Variants in AGAP1 observed in about 807,000 individuals in gnomAD.
AGAP1 encodes the protein ArfGAP with GTPase domain, ankyrin repeat and PH domain 1.
AGAP1 carries 29 observed loss-of-function variants against 105.3 expected under a neutral mutation model. The observed-to-expected ratio is 0.28, with a 90% CI of 0.21 to 0.38. AGAP1 has a LOEUF of 0.38. Ranked by LOEUF, AGAP1 falls within the 10% of genes least tolerant of loss-of-function variation. AGAP1 has a pLI of 1.00. For missense variants in AGAP1, 998 were observed against 1,165.1 expected (o/e 0.86, Z 2.09); for synonymous variants, 509 against 485.9 (o/e 1.05, Z -0.63).
At chr2:235,805,509 G>A (rs1272792525) in intron 8 of AGAP1, among the ~76,000 whole-genome samples, 1 of 152,020 alleles carries the variant, frequency 6.6e-6, no homozygotes, top group Non-Finnish European at 1.5e-5. Context: ...TTTAGAATTT[G>A]TAAAATTCCC....
chr2:235,618,955 A>T (rs1164248230), intron 1 of AGAP1, among the ~76,000 whole-genome samples: 1 of 152,140 alleles, frequency 6.6e-6, no homozygotes, highest in Non-Finnish European at 1.5e-5. Flanking sequence ...AGGCAGTAAG[A>T]ATGATCTTTT....
intron 9 of AGAP1, among the ~76,000 whole-genome samples, chr2:235,840,880 C>T (rs547911305): frequency 1.3e-5 from 2 of 151,412 alleles, no homozygotes; most frequent in African/African-American, 4.8e-5. Flanking sequence ...GAATTTGGTG[C>T]AATGAGAGCT....
At chr2:235,699,056 C>T (rs1264612269) in intron 1 of AGAP1, among the ~76,000 whole-genome samples, 4 of 137,338 alleles carry the variant, frequency 2.9e-5, no homozygotes, top group South Asian at 2.3e-4. Context: ...TGGACCACCA[C>T]GGGCATCAGA....
intron 6 of AGAP1, among the ~76,000 whole-genome samples, chr2:235,771,766 C>T (rs1399923133): frequency 1.3e-5 from 2 of 152,190 alleles, no homozygotes; most frequent in Non-Finnish European, 2.9e-5. Context: ...TCCCAGCACT[C>T]CTGTCTCTCC....
rs1022193817 is a variant in AGAP1 at position 236,126,371 on chromosome 2, G to A, written c.*2249G>A. 4 of 152,174 alleles carry A rather than the reference G, an allele frequency of 2.6e-5. No homozygotes were observed. The highest frequency in any genetic ancestry group is 9.7e-5 in the African/African-American group (4 of 41,424). 9.4% of individuals were successfully genotyped at this position (152,174 alleles called of 1,614,324 possible). On this transcript the variant is annotated 3_prime_UTR_variant, in exon 18 of 18. Transcript: ENST00000304032. ...AGCCTTCACCGTAGACTCTGTAGTG[G>A]ACACAGATATAGCATAAATGAAATT...
At chr2:235,907,451 A>G (rs2051361675) in intron 10 of AGAP1, among the ~76,000 whole-genome samples, 2 of 152,222 alleles carry the variant, frequency 1.3e-5, no homozygotes, top group Admixed American at 1.3e-4. Context: ...AAAAAAATTA[A>G]TAAATGAAAT....
intron 1 of AGAP1, among the ~76,000 whole-genome samples, chr2:235,703,758 G>A (rs533122493): frequency 4.6e-5 from 7 of 152,112 alleles, no homozygotes; most frequent in East Asian, 1.9e-4. Flanking sequence ...CACCATGCCC[G>A]GCTAATTTTT....
rs1377945286 is a variant in AGAP1 at position 235,566,550 on chromosome 2, T to C, written c.163+71701T>C. The C allele has an allele frequency of 1.0e-6, 1 of 985,024 alleles. No individual in the cohort carries two copies. Among genetic ancestry groups the C allele is most frequent in the African/African-American group, 1.7e-5 (1 of 57,218 alleles). 61.0% of individuals were successfully genotyped at this position (985,024 alleles called of 1,614,324 possible). On this transcript the variant is annotated intron_variant, in intron 1 of 17. Transcript: ENST00000304032. The surrounding 1 kb of genome is among the most constrained non-coding windows in gnomAD (Gnocchi z 5.2). The stretch of plus-strand genomic sequence containing the variant: ...GTGCGCCGTACGTTTTGGCCAGCAC[T>C]TTATTTTATGGAACAGAGGACTAGA...
At chr2:235,771,919 G>T (rs1955481171) in intron 6 of AGAP1, among the ~76,000 whole-genome samples, 1 of 150,706 alleles carries the variant, frequency 6.6e-6, no homozygotes, top group Non-Finnish European at 1.5e-5. Flanking sequence ...TTACATAACT[G>T]TTCTGTTTAG....
Position 236,125,556 on chromosome 2 carries a change from G to A in AGAP1, c.*1434G>A, listed in dbSNP as rs189540635. 58 of 152,286 alleles carry A rather than the reference G, an allele frequency of 3.8e-4. No individual in the cohort carries two copies. Among genetic ancestry groups the A allele is most frequent in the African/African-American group, 1.3e-3 (55 of 41,550 alleles). The allele number at this position is 152,286 out of a possible 1,614,324, so 9.4% of individuals were successfully genotyped here. On this transcript the variant is annotated 3_prime_UTR_variant, in exon 18 of 18. Coordinates refer to ENST00000304032, the MANE Select transcript of AGAP1 (RefSeq NM_001037131.3). The surrounding 1 kb of genome is among the most constrained non-coding windows in gnomAD (Gnocchi z 5.2). ...CATGATTGAAAGCATGATTTAGATC[G>A]GATACGGCTTTTGCTAACCAAGGAC...
intron 12 of AGAP1, among the ~76,000 whole-genome samples, chr2:235,952,618 AC>A (rs928319514): frequency 4.6e-5 from 7 of 152,288 alleles, no homozygotes; most frequent in South Asian, 2.1e-4. Context: ...TTTAAAAAAA[AC>A]TGGAAATATT....
Position 236,027,078 on chromosome 2 carries a change from T to G in AGAP1, c.1646-9483T>G, listed in dbSNP as rs1312332848. On this transcript the variant is annotated intron_variant, in intron 13 of 17. Transcript: ENST00000304032. This position sits in a 1 kb window ranked among gnomAD's most constrained non-coding sequence, Gnocchi z 4.4. ...ATGTTTATTACTCCATGCAGTAGATTTGTTATGGATAAACAGATTTCTTCC... is the reference window on the plus strand; with the variant it reads ...ATGTTTATTACTCCATGCAGTAGATGTGTTATGGATAAACAGATTTCTTCC... 3.9e-5 allele frequency among the ~76,000 whole-genome samples: 6 copies of G among 152,244 alleles called. No individual in the cohort carries two copies. The highest frequency in any genetic ancestry group is 1.4e-4 in the African/African-American group (6 of 41,458).
At chr2:236,081,868 C>G (rs1207463030) in intron 16 of AGAP1, among the ~76,000 whole-genome samples, 1 of 152,046 alleles carries the variant, frequency 6.6e-6, no homozygotes, top group South Asian at 2.1e-4. Flanking sequence ...GGGATGAAAG[C>G]GGTCCCCTCC....
rs116432573 is a variant in AGAP1, at chr2:235,609,839, G to A, written c.164-99340G>A. Among the ~76,000 whole-genome samples, 1,938 of 152,182 alleles carry A rather than the reference G, an allele frequency of 0.013. 19 individuals carry two copies. The highest frequency in any genetic ancestry group is 0.02 in the Middle Eastern group (6 of 294). ...TTTGGCGCTTGGCAGGATTGAAGGC[G>A]CAACTCTTGGCTTCGTGTTTCAGAG... is the stretch of plus-strand genomic sequence containing the variant. On this transcript the variant is annotated intron_variant, in intron 1 of 17. Transcript: ENST00000304032. This position sits in a 1 kb window ranked among gnomAD's most constrained non-coding sequence, Gnocchi z 5.1.
intron 10 of AGAP1, among the ~76,000 whole-genome samples, chr2:235,898,511 A>G (rs1306957922): frequency 8.2e-6 from 1 of 122,696 alleles, no homozygotes; most frequent in Non-Finnish European, 1.6e-5. Flanking sequence ...CTACAAAGTG[A>G]AAAATGGCTT....
Position 235,888,865 on chromosome 2 carries a change from A to T in AGAP1, c.1155+5416A>T, listed in dbSNP as rs926324453. Reference sequence around the variant, plus strand: ...CTTTGTTTGGGAAAGACACCCCAGCAGTGGGGAGCTCTGGCTTTCAGTTCC... The same window carrying T: ...CTTTGTTTGGGAAAGACACCCCAGCTGTGGGGAGCTCTGGCTTTCAGTTCC... On this transcript the variant is annotated intron_variant, in intron 10 of 17. Coordinates refer to ENST00000304032, the MANE Select transcript of AGAP1 (RefSeq NM_001037131.3). The surrounding 1 kb of genome is among the most constrained non-coding windows in gnomAD (Gnocchi z 4.8). Among the ~76,000 whole-genome samples the T allele has an allele frequency of 6.6e-6, 1 of 152,172 alleles. No individual in the cohort carries two copies. Among genetic ancestry groups the T allele is most frequent in the Non-Finnish European group, 1.5e-5 (1 of 68,026 alleles).
intron 9 of AGAP1, among the ~76,000 whole-genome samples, chr2:235,878,399 T>C (rs2049851460): frequency 6.6e-6 from 1 of 152,196 alleles, no homozygotes; most frequent in Non-Finnish European, 1.5e-5. Flanking sequence ...GCAGGGTCGC[T>C]GTGTTGCACA....
At chr2:235,511,648 C>T (rs541898754) in intron 1 of AGAP1, among the ~76,000 whole-genome samples, 1 of 152,152 alleles carries the variant, frequency 6.6e-6, no homozygotes, top group South Asian at 2.1e-4. Flanking sequence ...AGAAAATCTC[C>T]TGGAAACTTC....
chr2:235,861,717 G>A (rs1391460829), intron 9 of AGAP1, among the ~76,000 whole-genome samples: 1 of 152,186 alleles, frequency 6.6e-6, no homozygotes, highest in Non-Finnish European at 1.5e-5. Flanking sequence ...AAGACCCACT[G>A]TGTCCCTGGG....
Sources: allele counts gnomAD v4.1 joint callset (sites outside exome capture counted in the v4.1 genomes callset), GRCh38; gene constraint gnomAD v4.1.1; non-coding constraint Gnocchi (gnomAD v3.1); transcripts MANE v1.5; gene names NCBI Gene and HGNC (gene_info 2026-07-23, HGNC 2026-07-21).